Variants in GRID2 observed in about 807,000 individuals in gnomAD.
The protein encoded by GRID2 is glutamate receptor ionotropic, delta-2.
A neutral mutation model predicts 114.8 loss-of-function variants in GRID2; 33 were observed. That is an observed-to-expected ratio of 0.29 (90% CI 0.22 to 0.38). The LOEUF is 0.38. Among genes scored for constraint, GRID2 ranks in the 10% least tolerant of loss-of-function variants. The pLI, the probability that GRID2 is intolerant of heterozygous loss-of-function variation, is 1.00. For synonymous variants in GRID2, 505 were observed against 449.9 expected (o/e 1.12, Z -1.55); for missense variants, 1,184 against 1,257.7 (o/e 0.94, Z 0.89).
At chr4:93,698,918 C>T (rs369925504) in intron 14 of GRID2, among the ~76,000 whole-genome samples, 1 of 151,992 alleles carries the variant, frequency 6.6e-6, no homozygotes, top group African/African-American at 2.4e-5. Flanking sequence ...GAGATAATTC[C>T]TCTGTCTTCC....
intron 1 of GRID2, among the ~76,000 whole-genome samples, chr4:92,539,422 A>C (rs1725818318): frequency 6.6e-6 from 1 of 152,162 alleles, no homozygotes; most frequent in South Asian, 2.1e-4. Flanking sequence ...TTTTCAAGGT[A>C]GAAATATAAT....
chr4:92,637,330 G>C (rs1731116764), intron 2 of GRID2, among the ~76,000 whole-genome samples: 1 of 151,974 alleles, frequency 6.6e-6, no homozygotes, highest in Admixed American at 6.6e-5. Flanking sequence ...GGAATGATGG[G>C]AAGAAGTTAT....
intron 2 of GRID2, among the ~76,000 whole-genome samples, chr4:92,909,607 C>T (rs1028406307): frequency 1.3e-5 from 2 of 152,032 alleles, no homozygotes; most frequent in Non-Finnish European, 2.9e-5. Context: ...TGATTGGTCA[C>T]CATCATGTAC....
intron 8 of GRID2, among the ~76,000 whole-genome samples, chr4:93,326,176 G>A (rs1757816551): frequency 6.6e-6 from 1 of 152,068 alleles, no homozygotes; most frequent in Non-Finnish European, 1.5e-5. Flanking sequence ...ATGGAACTAG[G>A]TGCTCAGAAA....
chr4:93,195,806 A>G (rs1393687747), intron 4 of GRID2, among the ~76,000 whole-genome samples: 2 of 152,192 alleles, frequency 1.3e-5, no homozygotes, highest in Non-Finnish European at 2.9e-5. Context: ...AGTAACTCTA[A>G]TTGTTTTATA....
intron 7 of GRID2, among the ~76,000 whole-genome samples, chr4:93,225,652 A>C (rs753004667): frequency 1.1e-4 from 16 of 152,212 alleles, no homozygotes; most frequent in Admixed American, 2.6e-4. Context: ...TTAAAAAGTC[A>C]GAGTAAAATA....
intron 8 of GRID2, among the ~76,000 whole-genome samples, chr4:93,272,922 C>T (rs553655929): frequency 1.6e-4 from 24 of 152,276 alleles, no homozygotes; most frequent in Admixed American, 1.6e-3. Flanking sequence ...TTGTTTGCTA[C>T]ATGGAGGGAT....
chr4:93,589,820 T>C (rs1206070517), intron 13 of GRID2, among the ~76,000 whole-genome samples: 7 of 152,120 alleles, frequency 4.6e-5, no homozygotes, highest in Non-Finnish European at 7.4e-5. Context: ...TGAGCATTTT[T>C]TCATGTGTTT....
At chr4:92,550,700 A>G (rs1726542140) in intron 1 of GRID2, among the ~76,000 whole-genome samples, 1 of 152,192 alleles carries the variant, frequency 6.6e-6, no homozygotes, top group Non-Finnish European at 1.5e-5. Flanking sequence ...ACGGAGAAGA[A>G]CCTAAAAACA....
chr4:93,663,746 A>G (rs938305477), intron 14 of GRID2, among the ~76,000 whole-genome samples: 4 of 152,152 alleles, frequency 2.6e-5, no homozygotes, highest in Non-Finnish European at 5.9e-5. Context: ...TCTGATTCCT[A>G]TATTTCAAGA....
chr4:92,435,898 G>C (rs565230219), intron 1 of GRID2, among the ~76,000 whole-genome samples: 1 of 152,110 alleles, frequency 6.6e-6, no homozygotes, highest in Non-Finnish European at 1.5e-5. Context: ...GACAGACTAC[G>C]TTCTTTTTAT....
chr4:93,485,948 T>G (rs1475746246), intron 11 of GRID2, among the ~76,000 whole-genome samples: 3 of 151,720 alleles, frequency 2.0e-5, no homozygotes, highest in Non-Finnish European at 3.0e-5. Context: ...TAGATCAATT[T>G]GAGGAGAACT....
chr4:93,712,555 T>C (rs1381756293), intron 14 of GRID2, among the ~76,000 whole-genome samples: 1 of 152,192 alleles, frequency 6.6e-6, no homozygotes, highest in Admixed American at 6.5e-5. Flanking sequence ...TATTAATTTC[T>C]GGTTTCACCC....
At position 93,398,133 on chromosome 4, in the gene GRID2, G is replaced by GTGTGTGTGTGTGTATA; in HGVS notation, c.1347+2426_1347+2427insGTGTGTGTGTGTATAT. Reference sequence around the variant, plus strand: ...GAAATACATACATGTATGTGTGTGTGTATATATATATATATATATCTTATC... The same window carrying GTGTGTGTGTGTGTATA: ...GAAATACATACATGTATGTGTGTGTGTGTGTGTGTGTGTATATATATATATATATATATATCTTATC... On this transcript the variant is annotated intron_variant, in intron 9 of 15. Coordinates refer to ENST00000282020, the MANE Select transcript of GRID2 (RefSeq NM_001510.4). Among the ~76,000 whole-genome samples the GTGTGTGTGTGTGTATA allele has an allele frequency of 4.1e-5, 5 of 122,352 alleles. 1 individual carries two copies. Among genetic ancestry groups the GTGTGTGTGTGTGTATA allele is most frequent in the African/African-American group, 1.5e-4 (4 of 25,918 alleles). The allele number at this position is 122,352 out of a possible 152,430, so 80.3% of individuals were successfully genotyped here. A position where few individuals can be genotyped will look rare whatever the true frequency, so the allele number is the denominator to read the frequency against.
At chr4:92,495,123 A>T (rs1387939322) in intron 1 of GRID2, among the ~76,000 whole-genome samples, 2 of 152,004 alleles carry the variant, frequency 1.3e-5, no homozygotes, top group South Asian at 2.1e-4. Context: ...GTTTCCAGTC[A>T]AGCAAAACCA....
intron 2 of GRID2, among the ~76,000 whole-genome samples, chr4:92,713,501 A>G (rs1190098321): frequency 1.5e-5 from 2 of 135,126 alleles, no homozygotes; most frequent in African/African-American, 5.6e-5. Flanking sequence ...ATATATATAT[A>G]TATATATATA....
At chr4:93,566,621 T>G (rs913022686) in intron 13 of GRID2, among the ~76,000 whole-genome samples, 1 of 151,978 alleles carries the variant, frequency 6.6e-6, no homozygotes, top group Non-Finnish European at 1.5e-5. Flanking sequence ...AATTCAAAAA[T>G]TAGCCGGGCA....
rs76870197 is a variant in GRID2, at chr4:92,455,735, A to G, written c.89-134396A>G. Among the ~76,000 whole-genome samples, 46 of 152,282 alleles carry G rather than the reference A, an allele frequency of 3.0e-4. 1 individual carries two copies. The East Asian group carries it at 8.1e-3, about 27-fold the overall frequency. On this transcript the variant is annotated intron_variant, in intron 1 of 15. Transcript: ENST00000282020. ...AGAGAGGGGAAGAGTTTCTAAATGC[A>G]TCCTCATGTAACTCAAGAATACACC... is the stretch of plus-strand genomic sequence containing the variant.
chr4:93,205,737 A>T (rs1742672238), intron 4 of GRID2, among the ~76,000 whole-genome samples: 1 of 152,054 alleles, frequency 6.6e-6, no homozygotes, highest in Non-Finnish European at 1.5e-5. Flanking sequence ...CGCCACACTG[A>T]CTTCCACAAT....
Sources: allele counts gnomAD v4.1 joint callset (sites outside exome capture counted in the v4.1 genomes callset), GRCh38; gene constraint gnomAD v4.1.1; transcripts MANE v1.5; gene names NCBI Gene and HGNC (gene_info 2026-07-23, HGNC 2026-07-21).